RRM2B: variants seen among roughly 807,000 people sequenced by gnomAD.
The protein encoded by RRM2B is ribonucleoside-diphosphate reductase subunit M2 B.
In RRM2B, 20 loss-of-function variants were observed where a neutral mutation model predicts 45.9. The ratio of observed to expected loss-of-function variants is 0.44; its 90% CI spans 0.31 to 0.63. The LOEUF (loss-of-function observed/expected upper bound fraction) is 0.63. Ranked by LOEUF, RRM2B falls within the 30% of genes least tolerant of loss-of-function variation. The pLI is 0.09. For missense variants in RRM2B, 320 were observed against 414.7 expected (o/e 0.77, Z 1.98); for synonymous variants, 124 against 132.3 (o/e 0.94, Z 0.43).
At chr8:102,233,210 C>A (rs1327795328) in intron 1 of RRM2B, among the ~76,000 whole-genome samples, 1 of 152,216 alleles carries the variant, frequency 6.6e-6, no homozygotes, top group African/African-American at 2.4e-5. Flanking sequence ...CTTACTCCAG[C>A]GTCCACCCAT....
rs571002049 is a variant in RRM2B at position 102,220,017 on chromosome 8, T to A, written c.551-1070A>T. Among the ~76,000 whole-genome samples the A allele has an allele frequency of 2.1e-3, 321 of 152,242 alleles. 1 individual carries two copies. The highest frequency in any genetic ancestry group is 7.3e-3 in the African/African-American group (302 of 41,562). ...ACTTTGGTAGACCGAGGAAGGAGGA[T>A]CACTTGAATGCAGGAGTTAGAGACC... On this transcript the variant is annotated intron_variant, in intron 5 of 8. Transcript: ENST00000251810.
At chr8:102,212,718 G>A in intron 8 of RRM2B, 58 bp downstream of exon 8, 1 of 863,718 alleles carries the variant, frequency 1.2e-6, no homozygotes. Context: ...TTATACTTTA[G>A]GGTCCTTGCT....
Position 102,225,111 on chromosome 8 carries a change from A to C in RRM2B, c.322-93T>G. ...CTGGACATCAGCATTATCGCTTAAAAACTGCCTGTCATGTAACAAACAGGT... is the reference window on the plus strand; with the variant it reads ...CTGGACATCAGCATTATCGCTTAAACACTGCCTGTCATGTAACAAACAGGT... On this transcript the variant is annotated intron_variant, in intron 3 of 8. Transcript: ENST00000251810. 3.0e-6 allele frequency: 4 copies of C among 1,345,156 alleles called. No individual in the cohort carries two copies. The South Asian group carries it at 4.9e-5, about 16-fold the overall frequency. The allele number at this position is 1,345,156 out of a possible 1,614,324, so 83.3% of individuals were successfully genotyped here.
At chr8:102,216,557 C>T (rs1275978641) in intron 6 of RRM2B, among the ~76,000 whole-genome samples, 1 of 152,082 alleles carries the variant, frequency 6.6e-6, no homozygotes, top group Non-Finnish European at 1.5e-5. Context: ...AGTCACTGTA[C>T]ATTGGGAATA....
rs1477491525 is a variant in RRM2B, at chr8:102,209,141, C to G, written c.904-856G>C. Among the ~76,000 whole-genome samples the G allele has an allele frequency of 2.0e-5, 3 of 151,776 alleles. No homozygotes were observed. The East Asian group carries it at 5.8e-4, about 29-fold the overall frequency. ...CTGTAGCCTGGGCAACAGAGTAAGACTCCATTTCAAAAAAAAAAGAATTCA... is the reference window on the plus strand; with the variant it reads ...CTGTAGCCTGGGCAACAGAGTAAGAGTCCATTTCAAAAAAAAAAGAATTCA... On this transcript the variant is annotated intron_variant, in intron 8 of 8. Coordinates refer to ENST00000251810, the MANE Select transcript of RRM2B (RefSeq NM_015713.5).
chr8:102,226,447 T>G (rs908278460), intron 2 of RRM2B, among the ~76,000 whole-genome samples: 15 of 151,986 alleles, frequency 9.9e-5, no homozygotes, highest in Non-Finnish European at 2.2e-4. Context: ...CAGGATGTAC[T>G]TTAAAAATAT....
intron 3 of RRM2B, among the ~76,000 whole-genome samples, chr8:102,225,253 G>C (rs80268531): frequency 5.4e-5 from 1 of 18,526 alleles, no homozygotes; most frequent in Admixed American, 4.7e-4. Flanking sequence ...TTTTTTTTTT[G>C]AGATGGAGTC....
chr8:102,228,723 C>T (rs1810976500), intron 2 of RRM2B, among the ~76,000 whole-genome samples: 1 of 152,232 alleles, frequency 6.6e-6, no homozygotes, highest in African/African-American at 2.4e-5. Flanking sequence ...CACCTGCATG[C>T]TCCCTCCCTC....
rs532088846 is a variant in RRM2B at position 102,212,758 on chromosome 8, CA to C, written c.903+17del. The C allele has an allele frequency of 1.5e-6, 2 of 1,308,140 alleles. No homozygotes were observed. The highest frequency in any genetic ancestry group is 2.9e-5 in the African/African-American group (2 of 68,948). 81.0% of individuals were successfully genotyped at this position (1,308,140 alleles called of 1,614,324 possible). ...TATAATATTTTAACTAGTAGTAACA[CA>C]TTTTTAAACACATTACCTTTGAGAA... On this transcript the variant is annotated intron_variant, in intron 8 of 8. Coordinates refer to ENST00000251810, the MANE Select transcript of RRM2B (RefSeq NM_015713.5).
chr8:102,216,405 G>A lies in RRM2B; in HGVS notation c.685-2247C>T, dbSNP rs575688222. Among the ~76,000 whole-genome samples, 3 of 152,160 alleles carry A rather than the reference G, an allele frequency of 2.0e-5. No homozygotes were observed. The South Asian group carries it at 6.2e-4, about 32-fold the overall frequency. On this transcript the variant is annotated intron_variant, in intron 6 of 8. Transcript: ENST00000251810. ...TTACATAAAATTTAAGGTTTTGTAT[G>A]TTAAAAGAACAAAAATTAAAAAGCA... is the stretch of plus-strand genomic sequence containing the variant.
chr8:102,214,000 G>T, intron 7 of RRM2B, 54 bp downstream of exon 7: 1 of 1,188,806 alleles, frequency 8.4e-7, no homozygotes, highest in Non-Finnish European at 1.3e-6. Flanking sequence ...TATAATAGTG[G>T]TACAAACATC....
intron 2 of RRM2B, among the ~76,000 whole-genome samples, chr8:102,229,233 C>T (rs780448293): frequency 6.6e-6 from 1 of 151,976 alleles, no homozygotes; most frequent in African/African-American, 2.4e-5. Context: ...AGCCTGGCAA[C>T]AGAGTGCAAC....
intron 1 of RRM2B, among the ~76,000 whole-genome samples, chr8:102,238,032 GAC>G (rs906006424): frequency 5.3e-5 from 8 of 152,286 alleles, no homozygotes; most frequent in Admixed American, 3.3e-4. Context: ...TTTGCAAAAT[GAC>G]AGTGTTTGAA....
intron 1 of RRM2B, 54 bp from the exon 2 acceptor site, chr8:102,232,358 C>T (rs1408455242): frequency 6.5e-7 from 1 of 1,533,018 alleles, no homozygotes; most frequent in Non-Finnish European, 9.0e-7. Context: ...CTTCTTTATT[C>T]ATACCTAAAC....
intron 2 of RRM2B, among the ~76,000 whole-genome samples, chr8:102,228,761 G>C (rs1810977340): frequency 6.6e-6 from 1 of 152,226 alleles, no homozygotes; most frequent in Non-Finnish European, 1.5e-5. Context: ...GGGTTCAAGT[G>C]AGTGGAGTTT....
At chr8:102,233,129 A>T (rs1811060917) in intron 1 of RRM2B, among the ~76,000 whole-genome samples, 1 of 152,260 alleles carries the variant, frequency 6.6e-6, no homozygotes, top group Admixed American at 6.5e-5. Flanking sequence ...AACCAGGATT[A>T]GAACACATAC....
chr8:102,208,403 G>A (rs1007421037), intron 8 of RRM2B, 118 bp from the exon 9 acceptor site: 15 of 767,672 alleles, frequency 2.0e-5, no homozygotes, highest in Non-Finnish European at 3.1e-5. Context: ...TCAGCTACAA[G>A]ATCATATCAT....
At chr8:102,236,368 G>A (rs1382574545) in intron 1 of RRM2B, among the ~76,000 whole-genome samples, 3 of 152,146 alleles carry the variant, frequency 2.0e-5, no homozygotes, top group Non-Finnish European at 2.9e-5. Context: ...AACATGAATA[G>A]AGGTGGCATT....
chr8:102,235,732 G>C (rs181491745), intron 1 of RRM2B, among the ~76,000 whole-genome samples: 2 of 152,116 alleles, frequency 1.3e-5, no homozygotes, highest in Non-Finnish European at 2.9e-5. Flanking sequence ...CCAACTACTC[G>C]GGAGGCTGAG....
Sources: allele counts gnomAD v4.1 joint callset (sites outside exome capture counted in the v4.1 genomes callset), GRCh38; gene constraint gnomAD v4.1.1; transcripts MANE v1.5; gene names NCBI Gene and HGNC (gene_info 2026-07-23, HGNC 2026-07-21).